CCKBR: variants seen among roughly 807,000 people sequenced by gnomAD.
CCKBR encodes gastrin/cholecystokinin type B receptor.
Under a neutral mutation model 34.6 loss-of-function variants are expected in CCKBR, and 33 were observed. The observed-to-expected ratio is 0.95, with a 90% CI of 0.72 to 1.27. The LOEUF (loss-of-function observed/expected upper bound fraction) is 1.27, where lower values mean the gene tolerates loss of function less well. Among genes scored for constraint, CCKBR ranks in the 50% most tolerant of loss-of-function variants. The probability of loss-of-function intolerance (pLI) is 0.00; values close to 1 mark genes in which losing one functional copy is unlikely to be tolerated. For missense variants in CCKBR, 652 were observed against 617.4 expected, an observed-to-expected ratio of 1.06 and a Z score of -0.59; for synonymous variants, 269 against 267.5, an observed-to-expected ratio of 1.01 and a Z score of -0.06.
At chr11:6,262,726 A>AGAGAG (rs1554919173) in intron 1 of CCKBR, among the ~76,000 whole-genome samples, 3 of 112,512 alleles carry the variant, frequency 2.7e-5, no homozygotes, top group African/African-American at 3.7e-5. Context: ...GAGAGAGAGA[A>AGAGAG]AGAAAAGCAG....
Position 6,260,026 on chromosome 11 carries a change from G to C in CCKBR, c.98G>C (p.Ser33Thr), listed in dbSNP as rs1848104685. ...GGGGCGCCTCTCCTCAACAGCAGCA[G>C]TGTGGGCAACCTCAGCTGCGAGCCC... Reference protein sequence around the residue: ...RPGAPLLNSSSVGNLSCEPPR... With the variant: ...RPGAPLLNSSTVGNLSCEPPR... Residue 33 changes from serine (S) to threonine (T), a missense_variant, in exon 1 of 5, where the codon AGT becomes ACT. Ser to Thr is a moderately conservative substitution (Grantham distance 58). Coordinates refer to ENST00000334619, the MANE Select transcript of CCKBR (RefSeq NM_176875.4). The C allele has an allele frequency of 1.3e-6, 2 of 1,596,822 alleles. No homozygotes were observed. Among genetic ancestry groups the C allele is most frequent in the Admixed American group, 3.4e-5 (2 of 58,370 alleles).
Position 6,261,738 on chromosome 11 carries a change from C to T in CCKBR, c.151+1659C>T, listed in dbSNP as rs35684069. 8.6e-5 allele frequency among the ~76,000 whole-genome samples: 13 copies of T among 151,686 alleles called. 1 individual carries two copies. The highest frequency in any genetic ancestry group is 2.9e-4 in the African/African-American group (12 of 41,394). On this transcript the variant is annotated intron_variant, in intron 1 of 4. Transcript: ENST00000334619. ...CTGACCATGGAACATGGACTTTCTC[C>T]CGAGGGCAATAGGAACTACTAAAAG...
chr11:6,262,726 A>AGAGAGAGAG (rs1554919173), intron 1 of CCKBR, among the ~76,000 whole-genome samples: 1 of 112,514 alleles, frequency 8.9e-6, no homozygotes, highest in African/African-American at 3.7e-5. Context: ...GAGAGAGAGA[A>AGAGAGAGAG]AGAAAAGCAG....
chr11:6,263,201 C>G (rs1033115715), intron 1 of CCKBR, among the ~76,000 whole-genome samples: 2 of 152,162 alleles, frequency 1.3e-5, no homozygotes, highest in African/African-American at 4.8e-5. Context: ...CAGATAGTAC[C>G]CACAGAAAGA....
chr11:6,266,941 T>G (rs181980209), intron 1 of CCKBR, among the ~76,000 whole-genome samples: 2 of 152,298 alleles, frequency 1.3e-5, no homozygotes, highest in Admixed American at 1.3e-4. Flanking sequence ...TGCTGAATAT[T>G]GTAGGGAAGA....
rs1471224170 is a variant in CCKBR, at chr11:6,261,472, C to T, written c.151+1393C>T. Among the ~76,000 whole-genome samples, 11 of 109,982 alleles carry T rather than the reference C, an allele frequency of 1.0e-4. No homozygotes were observed. The East Asian group carries it at 1.4e-3, about 14-fold the overall frequency. The allele number at this position is 109,982 out of a possible 152,430, so 72.2% of individuals were successfully genotyped here. Reference sequence around the variant, plus strand: ...AAAAAAAAATATATATACACACACACACACACACACACACACACACACACA... The same window carrying T: ...AAAAAAAAATATATATACACACACATACACACACACACACACACACACACA... On this transcript the variant is annotated intron_variant, in intron 1 of 4. Coordinates refer to ENST00000334619, the MANE Select transcript of CCKBR (RefSeq NM_176875.4).
chr11:6,270,594 C>G (rs1848284351), intron 3 of CCKBR, 52 bp from the exon 4 acceptor site: 1 of 1,535,644 alleles, frequency 6.5e-7, no homozygotes, highest in Non-Finnish European at 8.8e-7. Context: ...TTTTCTCCAT[C>G]TGTGATTACA....
chr11:6,269,135 G>T (rs1482677414), intron 1 of CCKBR, among the ~76,000 whole-genome samples: 1 of 56,530 alleles, frequency 1.8e-5, no homozygotes, highest in Non-Finnish European at 4.7e-5. Flanking sequence ...GCAGACAGTA[G>T]AGAGTAAGTG....
chr11:6,264,402 A>G (rs1012206047), intron 1 of CCKBR: 1 of 596,390 alleles, frequency 1.7e-6, no homozygotes, highest in African/African-American at 1.9e-5. Flanking sequence ...GTTTTTCCTT[A>G]GAAAGTCTTG....
intron 1 of CCKBR, chr11:6,264,773 G>A: frequency 2.1e-6 from 1 of 474,092 alleles, no homozygotes; most frequent in South Asian, 4.1e-5. Context: ...GATTTATTTT[G>A]TGCATGACTT....
rs149146333 is a variant in CCKBR, at chr11:6,270,983, T to A, written c.812-28T>A. 190 of 1,613,356 alleles carry A rather than the reference T, an allele frequency of 1.2e-4. No homozygotes were observed. In the African/African-American group the frequency reaches 2.2e-3, roughly 19 times the overall value. ...TGGAGACTGGGGGGACTCGCCTTTTTCTCTGACCGCCCACCCTTTGTGCTC... is the reference window on the plus strand; with the variant it reads ...TGGAGACTGGGGGGACTCGCCTTTTACTCTGACCGCCCACCCTTTGTGCTC... On this transcript the variant is annotated intron_variant, in intron 4 of 4. Transcript: ENST00000334619.
Position 6,270,730 on chromosome 11 carries a change from C to T in CCKBR, c.738C>T (p.Tyr246=), listed in dbSNP as rs1316836124. 2 of 1,614,220 alleles carry T rather than the reference C, an allele frequency of 1.2e-6. No individual in the cohort carries two copies. Among genetic ancestry groups the T allele is most frequent in the South Asian group, 2.2e-5 (2 of 91,084 alleles). Residue 246 remains tyrosine, a synonymous_variant, in exon 4 of 5, where the codon TAC becomes TAT. Transcript: ENST00000334619. ...ACGGGCTTATCTCTCGCGAGCTCTA[C>T]TTAGGGCTTCGCTTTGACGGCGACA... The part of the protein sequence containing the change: ...VAYGLISREL[Y]LGLRFDGDSD...
intron 1 of CCKBR, among the ~76,000 whole-genome samples, chr11:6,268,367 A>C (rs1848239903): frequency 6.6e-6 from 1 of 152,144 alleles, no homozygotes; most frequent in South Asian, 2.1e-4. Flanking sequence ...AATCCCTCTC[A>C]TGCTGAGGCC....
At position 6,270,812 on chromosome 11, in the gene CCKBR, G is replaced by C. The variant is rs755475097; in HGVS notation, c.811+9G>C. The C allele has an allele frequency of 6.2e-7, 1 of 1,614,046 alleles. No individual in the cohort carries two copies. Among genetic ancestry groups the C allele is most frequent in the Admixed American group, 1.7e-5 (1 of 60,032 alleles). On this transcript the variant is annotated intron_variant, in intron 4 of 4. Coordinates refer to ENST00000334619, the MANE Select transcript of CCKBR (RefSeq NM_176875.4). ...CCAAGGCGGGCTGCCAGGTGGGGCTGGACCACGTGAGCAAAATCTGGGCGA... is the reference window on the plus strand; with the variant it reads ...CCAAGGCGGGCTGCCAGGTGGGGCTCGACCACGTGAGCAAAATCTGGGCGA...
Position 6,270,800 on chromosome 11 carries a change from C to T in CCKBR, c.808C>T (p.Pro270Ser). Reference sequence around the variant, plus strand: ...CAGGGTCCGAAACCAAGGCGGGCTGCCAGGTGGGGCTGGACCACGTGAGCA... The same window carrying T: ...CAGGGTCCGAAACCAAGGCGGGCTGTCAGGTGGGGCTGGACCACGTGAGCA... ...QSRVRNQGGL[P>S]GAVHQNGRCR... is the part of the protein sequence containing the mutation. The change falls in exon 4 of 5, where the codon CCA becomes TCA. Residue 270 changes from proline (P) to serine (S), a missense_variant. Physicochemically the swap from Pro to Ser is moderately conservative, Grantham distance 74. Coordinates refer to ENST00000334619, the MANE Select transcript of CCKBR (RefSeq NM_176875.4). The T allele has an allele frequency of 6.2e-6, 10 of 1,614,122 alleles. No individual in the cohort carries two copies. The highest frequency in any genetic ancestry group is 2.2e-5 in the South Asian group (2 of 91,082).
intron 1 of CCKBR, among the ~76,000 whole-genome samples, chr11:6,261,462 T>TATATATAAAC: frequency 1.6e-5 from 1 of 64,014 alleles, no homozygotes; most frequent in Non-Finnish European, 2.8e-5. Flanking sequence ...AAAATATATA[T>TATATATAAAC]ACACACACAC....
At chr11:6,269,960 C>T in intron 2 of CCKBR, 40 bp downstream of exon 2, 1 of 1,610,916 alleles carries the variant, frequency 6.2e-7, no homozygotes. Flanking sequence ...TGCCACTCTC[C>T]CCGCCTAAAG....
chr11:6,262,253 T>G (rs1158915136), intron 1 of CCKBR, among the ~76,000 whole-genome samples: 1 of 152,172 alleles, frequency 6.6e-6, no homozygotes, highest in African/African-American at 2.4e-5. Flanking sequence ...GGTCTTTGCC[T>G]ACAGGATGTA....
rs1269714658 is a variant in CCKBR, at chr11:6,271,683, C to CT, written c.*142dup. 3.7e-6 allele frequency: 3 copies of CT among 803,232 alleles called. No individual in the cohort carries two copies. Among genetic ancestry groups the CT allele is most frequent in the East Asian group, 5.4e-5 (2 of 36,866 alleles). The allele number at this position is 803,232 out of a possible 1,614,324, so 49.8% of individuals were successfully genotyped here. ...AACCCCAACGCACAGGAAAAGGTAG[C>CT]TTACCTGACACAAGAGGAATAAGAA... On this transcript the variant is annotated 3_prime_UTR_variant, in exon 5 of 5. Coordinates refer to ENST00000334619, the MANE Select transcript of CCKBR (RefSeq NM_176875.4).
Sources: gnomAD v4.1 joint callset for allele counts (sites outside exome capture counted in the v4.1 genomes callset) on GRCh38, gnomAD v4.1.1 for gene constraint, MANE v1.5 for transcripts, NCBI Gene and HGNC (gene_info 2026-07-23, HGNC 2026-07-21) for gene names.